The following TENM2 variants were observed in gnomAD, a reference collection of about 807,000 sequenced individuals.
TENM2 encodes the protein teneurin-2.
Under a neutral mutation model 245.2 loss-of-function variants are expected in TENM2, and 52 were observed. That is an observed-to-expected ratio of 0.21 (90% confidence interval 0.17 to 0.27). The LOEUF (loss-of-function observed/expected upper bound fraction) is 0.27, where lower values mean the gene tolerates loss of function less well. Among genes scored for constraint, TENM2 ranks in the 10% least tolerant of loss-of-function variants. The pLI is 1.00. For missense variants in TENM2, 3,046 were observed against 3,666.8 expected (o/e 0.83, Z 4.37); for synonymous variants, 1,363 against 1,438.9 (o/e 0.95, Z 1.19).
chr5:167,835,206 G>A (rs866599690), intron 2 of TENM2, among the ~76,000 whole-genome samples: 8 of 152,292 alleles, frequency 5.3e-5, no homozygotes, highest in African/African-American at 1.9e-4. Flanking sequence ...TCTACTTAGA[G>A]AAGGTTCTAG....
intron 5 of TENM2, among the ~76,000 whole-genome samples, chr5:168,028,479 T>G (rs1786820646): frequency 6.6e-6 from 1 of 152,140 alleles, no homozygotes; most frequent in Non-Finnish European, 1.5e-5. Flanking sequence ...AGAACTCTAC[T>G]TCTTCAAGCT....
chr5:167,242,404 T>C, the TENM2 span, among the ~76,000 whole-genome samples: 1 of 152,280 alleles, frequency 6.6e-6, no homozygotes, highest in Non-Finnish European at 1.5e-5. Context: ...TCCTGACACG[T>C]AGTAAATACT....
chr5:167,173,809 T>C, the TENM2 span, among the ~76,000 whole-genome samples: 1 of 151,914 alleles, frequency 6.6e-6, no homozygotes, highest in Non-Finnish European at 1.5e-5. Context: ...GCTATATATG[T>C]AAAAAAATAT....
intron 6 of TENM2, among the ~76,000 whole-genome samples, chr5:168,048,855 G>A (rs1247363273): frequency 2.0e-5 from 3 of 152,142 alleles, no homozygotes; most frequent in African/African-American, 4.8e-5. Context: ...CTTTAAGTAA[G>A]CATGAAAAAG....
intron 2 of TENM2, among the ~76,000 whole-genome samples, chr5:167,478,575 C>T (rs1379334745): frequency 6.6e-6 from 1 of 152,138 alleles, no homozygotes; most frequent in African/African-American, 2.4e-5. Flanking sequence ...TTTCAGAGTT[C>T]AGATGAAATA....
At chr5:167,030,667 C>T in the TENM2 span, among the ~76,000 whole-genome samples, 3 of 152,132 alleles carry the variant, frequency 2.0e-5, no homozygotes, top group African/African-American at 7.2e-5. Context: ...CTTTCTACTC[C>T]TCGCTTCTGT....
chr5:168,126,340 C>G (rs78546552), intron 11 of TENM2, among the ~76,000 whole-genome samples: 85 of 152,216 alleles, frequency 5.6e-4, no homozygotes, highest in East Asian at 1.7e-3. Flanking sequence ...GGGTACTTCC[C>G]GGTTAGCTTT....
chr5:168,093,192 C>G (rs1793089450), intron 8 of TENM2, among the ~76,000 whole-genome samples: 1 of 152,216 alleles, frequency 6.6e-6, no homozygotes, highest in African/African-American at 2.4e-5. Context: ...CCAACAACTT[C>G]TGTCCTCCTT....
chr5:167,968,620 A>T (rs768041663), intron 4 of TENM2, among the ~76,000 whole-genome samples: 3 of 152,220 alleles, frequency 2.0e-5, no homozygotes, highest in Non-Finnish European at 4.4e-5. Context: ...AAGGGTTAAA[A>T]TCCCGCCCTA....
At chr5:167,807,782 A>T (rs898384583) in intron 2 of TENM2, among the ~76,000 whole-genome samples, 1 of 152,072 alleles carries the variant, frequency 6.6e-6, no homozygotes, top group Non-Finnish European at 1.5e-5. Flanking sequence ...GGGCAACATG[A>T]AAACTCCCTA....
the TENM2 span, among the ~76,000 whole-genome samples, chr5:167,043,416 G>A: frequency 0.017 from 2,627 of 152,262 alleles, 73 homozygotes; most frequent in African/African-American, 0.06. Flanking sequence ...TTTCAAGGAG[G>A]AGGTAATTTA....
chr5:168,133,066 T>G (rs1754730466), intron 12 of TENM2, among the ~76,000 whole-genome samples: 1 of 152,220 alleles, frequency 6.6e-6, no homozygotes, highest in Admixed American at 6.5e-5. Context: ...TCACCAAGCC[T>G]TCCCGACCTC....
chr5:167,614,459 G>C (rs1280894488), intron 2 of TENM2, among the ~76,000 whole-genome samples: 1 of 152,074 alleles, frequency 6.6e-6, no homozygotes, highest in Non-Finnish European at 1.5e-5. Flanking sequence ...CAGGCCCCAG[G>C]CTTCTGTGCC....
intron 1 of TENM2, among the ~76,000 whole-genome samples, chr5:167,365,913 C>T (rs1483927881): frequency 6.6e-6 from 1 of 151,610 alleles, no homozygotes; most frequent in East Asian, 1.9e-4. Context: ...GCATGAAATG[C>T]TTATAATAAT....
intron 2 of TENM2, among the ~76,000 whole-genome samples, chr5:167,458,186 G>T (rs1766036829): frequency 6.6e-6 from 1 of 151,944 alleles, no homozygotes; most frequent in South Asian, 2.1e-4. Flanking sequence ...ATTTGTTTAA[G>T]GTCAGTCAAC....
chr5:167,820,630 A>C (rs1231848183), intron 2 of TENM2, among the ~76,000 whole-genome samples: 2 of 152,146 alleles, frequency 1.3e-5, no homozygotes, highest in African/African-American at 4.8e-5. Context: ...TTGCGTTCCT[A>C]ATCCCACAAG....
intron 2 of TENM2, among the ~76,000 whole-genome samples, chr5:167,604,395 TCA>T (rs1776877171): frequency 6.6e-6 from 1 of 152,220 alleles, no homozygotes; most frequent in Non-Finnish European, 1.5e-5. Flanking sequence ...GGCATTTTTT[TCA>T]ATCTCTTCAT....
chr5:167,496,982 A>G (rs1456515224), intron 2 of TENM2, among the ~76,000 whole-genome samples: 1 of 152,140 alleles, frequency 6.6e-6, no homozygotes, highest in Non-Finnish European at 1.5e-5. Context: ...TAGAATCACT[A>G]GACATTTTCA....
At chr5:167,677,499 G>A (rs372787207) in intron 2 of TENM2, among the ~76,000 whole-genome samples, 4 of 151,340 alleles carry the variant, frequency 2.6e-5, no homozygotes, top group African/African-American at 9.7e-5. Flanking sequence ...TGTGATTGCT[G>A]TCTTCCATCA....
Sources: gnomAD v4.1 joint callset for allele counts (sites outside exome capture counted in the v4.1 genomes callset) on GRCh38, gnomAD v4.1.1 for gene constraint, MANE v1.5 for transcripts, NCBI Gene and HGNC (gene_info 2026-07-23, HGNC 2026-07-21) for gene names.